Variants in PPP6R3 observed in about 807,000 individuals in gnomAD.
The protein encoded by PPP6R3 is serine/threonine-protein phosphatase 6 regulatory subunit 3.
Under a neutral mutation model 110.7 loss-of-function variants are expected in PPP6R3, and 38 were observed. The ratio of observed to expected loss-of-function variants is 0.34; its 90% CI spans 0.26 to 0.45. PPP6R3 has a LOEUF of 0.45. Among genes scored for constraint, PPP6R3 ranks in the 20% least tolerant of loss-of-function variants. PPP6R3 has a pLI of 1.00. For missense variants in PPP6R3, 870 were observed against 1,062.4 expected (o/e 0.82, Z 2.52); for synonymous variants, 369 against 373.5 (o/e 0.99, Z 0.14).
intron 4 of PPP6R3, 68 bp from the exon 5 acceptor site, chr11:68,547,999 G>T: frequency 6.7e-7 from 1 of 1,485,906 alleles, no homozygotes; most frequent in Non-Finnish European, 9.1e-7. Flanking sequence ...TCGGGGTTGG[G>T]ACTTAAAAGG....
intron 22 of PPP6R3, among the ~76,000 whole-genome samples, chr11:68,607,778 AT>A (rs763137307): frequency 4.5e-3 from 659 of 146,050 alleles, no homozygotes; most frequent in Non-Finnish European, 6.2e-3. Context: ...TCTAATCTAG[AT>A]TTTTTTTTTT....
chr11:68,471,005 G>A (rs1033757192), intron 1 of PPP6R3, among the ~76,000 whole-genome samples: 6 of 151,908 alleles, frequency 3.9e-5, no homozygotes, highest in South Asian at 2.1e-4. Context: ...TCTTTGGGCC[G>A]GGCGCGGTGG....
At chr11:68,485,076 T>C (rs1283762738) in intron 1 of PPP6R3, among the ~76,000 whole-genome samples, 1 of 152,140 alleles carries the variant, frequency 6.6e-6, no homozygotes, top group African/African-American at 2.4e-5. Flanking sequence ...CAGAGTTTTA[T>C]AGTTTTCCTT....
intron 1 of PPP6R3, among the ~76,000 whole-genome samples, chr11:68,517,311 CAGGGATACA>C (rs1405679136): frequency 1.3e-5 from 2 of 152,034 alleles, no homozygotes; most frequent in Non-Finnish European, 2.9e-5. Flanking sequence ...ATTTAAAAGT[CAGGGATACA>C]CAACAGAGTT....
At chr11:68,595,977 C>G (rs2099612825) in intron 18 of PPP6R3, 120 bp from the exon 19 acceptor site, 2 of 1,294,006 alleles carry the variant, frequency 1.5e-6, no homozygotes, top group Non-Finnish European at 2.2e-6. Flanking sequence ...GGTGCTCAGA[C>G]AGATGTGATC....
At position 68,613,935 on chromosome 11, in the gene PPP6R3, T is replaced by G; in HGVS notation, c.*818T>G. 3.0e-6 allele frequency: 3 copies of G among 984,820 alleles called. No individual in the cohort carries two copies. The highest frequency in any genetic ancestry group is 3.6e-6 in the Non-Finnish European group (3 of 829,446). 61.0% of individuals were successfully genotyped at this position (984,820 alleles called of 1,614,324 possible). On this transcript the variant is annotated 3_prime_UTR_variant, in exon 24 of 24. Transcript: ENST00000393800. ...TTTTTTTGGCTTTTGTTTTTGTTTG[T>G]TTTTTTGTTTCATTTGGTAGTTCAT...
At chr11:68,490,321 G>A (rs533002075) in intron 1 of PPP6R3, among the ~76,000 whole-genome samples, 1 of 152,130 alleles carries the variant, frequency 6.6e-6, no homozygotes, top group African/African-American at 2.4e-5. Context: ...CTACCCTGTA[G>A]GTAAGGTTCC....
In PPP6R3 at chr11:68,574,214, G is replaced by C. The variant is rs2099521537; in HGVS notation, c.1449G>C (p.Gln483His). ...DKGPNSALVQ[Q>H]LIKDLPDEVR... ...GCCCCAACAGTGCATTAGTGCAGCA[G>C]CTTATCAAAGGTAAGTTATTTGTGA... Residue 483 changes from glutamine to histidine, a missense_variant, in exon 13 of 24, where the codon CAG becomes CAC. Coordinates refer to ENST00000393800, the MANE Select transcript of PPP6R3 (RefSeq NM_001164161.2). 1.2e-6 allele frequency: 2 copies of C among 1,612,462 alleles called. No homozygotes were observed. Among genetic ancestry groups the C allele is most frequent in the Admixed American group, 3.3e-5 (2 of 59,966 alleles).
chr11:68,560,026 A>G (rs1392298536), intron 8 of PPP6R3, among the ~76,000 whole-genome samples: 3 of 152,304 alleles, frequency 2.0e-5, no homozygotes, highest in East Asian at 3.9e-4. Flanking sequence ...TCATGCTACA[A>G]GGCCATCATT....
intron 1 of PPP6R3, among the ~76,000 whole-genome samples, chr11:68,481,217 G>C (rs973667669): frequency 6.6e-6 from 1 of 152,198 alleles, no homozygotes; most frequent in Admixed American, 6.5e-5. Context: ...AACAAGAGCC[G>C]TGGAGGGACA....
At chr11:68,511,614 G>T (rs1465039582) in intron 1 of PPP6R3, among the ~76,000 whole-genome samples, 2 of 151,114 alleles carry the variant, frequency 1.3e-5, no homozygotes, top group African/African-American at 2.4e-5. Flanking sequence ...CTGAGTAGCT[G>T]GGATTACAGG....
At chr11:68,581,307 A>G (rs2099553590) in intron 14 of PPP6R3, among the ~76,000 whole-genome samples, 2 of 152,256 alleles carry the variant, frequency 1.3e-5, no homozygotes, top group African/African-American at 2.4e-5. Flanking sequence ...TGTCTGGCAC[A>G]TAGTAGTTCA....
chr11:68,595,716 A>G (rs2099611847), intron 18 of PPP6R3, among the ~76,000 whole-genome samples: 2 of 152,258 alleles, frequency 1.3e-5, no homozygotes, highest in Admixed American at 6.5e-5. Context: ...TAAAAAGCAC[A>G]AAAGTGTGAA....
intron 1 of PPP6R3, among the ~76,000 whole-genome samples, chr11:68,489,463 C>G (rs1196958930): frequency 6.6e-6 from 1 of 151,952 alleles, no homozygotes; most frequent in Non-Finnish European, 1.5e-5. Context: ...TGTCCACTTT[C>G]AAATAACACT....
At position 68,508,121 on chromosome 11, in the gene PPP6R3, C is replaced by CTTTTTTTTTTTTTT. The variant is rs748376581; in HGVS notation, c.-157-11368_-157-11355dup. Among the ~76,000 whole-genome samples, 53 of 77,624 alleles carry CTTTTTTTTTTTTTT rather than the reference C, an allele frequency of 6.8e-4. 1 individual carries two copies. Among genetic ancestry groups the CTTTTTTTTTTTTTT allele is most frequent in the African/African-American group, 3.0e-3 (49 of 16,444 alleles). The allele number at this position is 77,624 out of a possible 152,430, so 50.9% of individuals were successfully genotyped here. A position where few individuals can be genotyped will look rare whatever the true frequency, so the allele number is the denominator to read the frequency against. On this transcript the variant is annotated intron_variant, in intron 1 of 23. Transcript: ENST00000393800. The stretch of plus-strand genomic sequence containing the variant: ...CCCCGGCCTAAGTGAGTTTTTTGGC[C>CTTTTTTTTTTTTTT]TTTTTTTTTTTTTTTTTTTTTTTTT...
chr11:68,594,299 GGAGA>G lies in PPP6R3; in HGVS notation c.1917-1781_1917-1778del, dbSNP rs748973539. On this transcript the variant is annotated intron_variant, in intron 18 of 23. Transcript: ENST00000393800. ...GAGAGAGAGAGAGAGAGAGGAGAGA[GGAGA>G]GAGAGAGAGAGAGAGAAAAAGAGAG... 8.5e-4 allele frequency among the ~76,000 whole-genome samples: 119 copies of G among 139,300 alleles called. 2 individuals are homozygous for G. Among genetic ancestry groups the G allele is most frequent in the East Asian group, 3.0e-3 (15 of 4,924 alleles). 91.4% of individuals were successfully genotyped at this position (139,300 alleles called of 152,430 possible). A position where few individuals can be genotyped will look rare whatever the true frequency, so the allele number is the denominator to read the frequency against.
At chr11:68,569,998 A>G in intron 11 of PPP6R3, 101 bp downstream of exon 11, 2 of 1,084,896 alleles carry the variant, frequency 1.8e-6, no homozygotes, top group Non-Finnish European at 2.6e-6. Context: ...TTGAGGTTAG[A>G]TTTCAGAGTC....
intron 1 of PPP6R3, among the ~76,000 whole-genome samples, chr11:68,483,482 A>G (rs2098928406): frequency 6.6e-6 from 1 of 152,168 alleles, no homozygotes; most frequent in Non-Finnish European, 1.5e-5. Context: ...CAAAGTCCAT[A>G]CTTTAGGGTG....
intron 8 of PPP6R3, among the ~76,000 whole-genome samples, chr11:68,560,122 T>A (rs1208159894): frequency 6.6e-6 from 1 of 152,226 alleles, no homozygotes; most frequent in East Asian, 1.9e-4. Context: ...TGTGTGTCAA[T>A]GATTTAAGCT....
Sources: gnomAD v4.1 joint callset for allele counts (sites outside exome capture counted in the v4.1 genomes callset) on GRCh38, gnomAD v4.1.1 for gene constraint, MANE v1.5 for transcripts, NCBI Gene and HGNC (gene_info 2026-07-23, HGNC 2026-07-21) for gene names.